The following FTO variants were observed in gnomAD, a reference collection of about 807,000 sequenced individuals.
FTO encodes the protein FTO alpha-ketoglutarate dependent dioxygenase.
In FTO, 47 loss-of-function variants were observed where a neutral mutation model predicts 63.9. The observed-to-expected ratio is 0.74, with a 90% CI of 0.58 to 0.94. The LOEUF (loss-of-function observed/expected upper bound fraction) is 0.94, where lower values mean the gene tolerates loss of function less well. Among genes scored for constraint, FTO ranks in the 40% least tolerant of loss-of-function variants. The probability of loss-of-function intolerance (pLI) is 0.00; values close to 1 mark genes in which losing one functional copy is unlikely to be tolerated. For missense variants in FTO, 562 were observed against 618.1 expected (o/e 0.91, Z 0.96); for synonymous variants, 207 against 224.4 (o/e 0.92, Z 0.69).
chr16:53,750,369 C>T (rs1241316996), intron 1 of FTO, among the ~76,000 whole-genome samples: 1 of 151,940 alleles, frequency 6.6e-6, no homozygotes, highest in African/African-American at 2.4e-5. Flanking sequence ...TCCTGAGTAA[C>T]TGGGATTACA....
intron 2 of FTO, among the ~76,000 whole-genome samples, chr16:53,824,609 A>G (rs2078954486): frequency 1.3e-5 from 2 of 151,776 alleles, no homozygotes; most frequent in Admixed American, 6.6e-5. Flanking sequence ...CAGATGCTGC[A>G]TGAAAAAAAA....
At chr16:54,021,558 C>T (rs1434071747) in intron 8 of FTO, among the ~76,000 whole-genome samples, 13 of 152,120 alleles carry the variant, frequency 8.5e-5, no homozygotes, top group Non-Finnish European at 2.9e-5. Context: ...GTCGCAATCT[C>T]GGCTCACTGC....
At chr16:53,852,413 A>G (rs762993368) in intron 4 of FTO, among the ~76,000 whole-genome samples, 3 of 152,212 alleles carry the variant, frequency 2.0e-5, no homozygotes, top group African/African-American at 4.8e-5. Flanking sequence ...GAACCAGTTT[A>G]TAGATACTTT....
rs1426581330 is a variant in FTO at position 53,704,244 on chromosome 16, CG to C, written c.45+19del. ...GCGAAGCTAAGGTATGTCGGGCTCC[CG>C]GGGCCTGGAGATCTTCGTGCGCTGT... is the stretch of plus-strand genomic sequence containing the variant. On this transcript the variant is annotated intron_variant, in intron 1 of 8. Transcript: ENST00000471389. 13 of 1,551,158 alleles carry C rather than the reference CG, an allele frequency of 8.4e-6. No individual in the cohort carries two copies. The African/African-American group carries it at 1.2e-4, about 15-fold the overall frequency.
intron 7 of FTO, among the ~76,000 whole-genome samples, chr16:53,932,639 C>T (rs1364044123): frequency 1.3e-5 from 2 of 152,146 alleles, no homozygotes; most frequent in Non-Finnish European, 2.9e-5. Context: ...ATCTGCCTGC[C>T]TCAGCCTCCC....
At chr16:53,986,865 A>C (rs1314047649) in intron 8 of FTO, among the ~76,000 whole-genome samples, 1 of 152,234 alleles carries the variant, frequency 6.6e-6, no homozygotes, top group Non-Finnish European at 1.5e-5. Flanking sequence ...GACCAACTCA[A>C]ATTCTGTCTG....
intron 1 of FTO, among the ~76,000 whole-genome samples, chr16:53,711,954 A>C (rs1474047429): frequency 6.6e-6 from 1 of 152,196 alleles, no homozygotes; most frequent in Non-Finnish European, 1.5e-5. Flanking sequence ...GGCCAAATGC[A>C]GTGGCTTATA....
intron 8 of FTO, among the ~76,000 whole-genome samples, chr16:53,983,576 A>G (rs965776691): frequency 6.6e-6 from 1 of 151,376 alleles, no homozygotes; most frequent in Admixed American, 6.6e-5. Context: ...GAAAATAATT[A>G]TTTGCTGAGC....
At chr16:53,810,952 C>G (rs2078503367) in intron 2 of FTO, among the ~76,000 whole-genome samples, 2 of 152,158 alleles carry the variant, frequency 1.3e-5, no homozygotes, top group Admixed American at 1.3e-4. Flanking sequence ...CATCTGGGAT[C>G]TTAGAAAAAG....
At chr16:54,040,852 A>G (rs775228962) in intron 8 of FTO, 5 of 152,266 alleles carry the variant, frequency 3.3e-5, no homozygotes, top group Non-Finnish European at 7.3e-5. Context: ...AAAGCTAAAC[A>G]CTGACTTTTA....
intron 1 of FTO, among the ~76,000 whole-genome samples, chr16:53,735,390 G>A (rs1021831712): frequency 2.6e-5 from 4 of 152,202 alleles, no homozygotes; most frequent in African/African-American, 7.2e-5. Flanking sequence ...AGTAGTTTCA[G>A]TAGATATGGG....
At chr16:53,947,682 A>G (rs575797110) in intron 8 of FTO, among the ~76,000 whole-genome samples, 2 of 152,330 alleles carry the variant, frequency 1.3e-5, no homozygotes, top group East Asian at 3.9e-4. Context: ...GGGATAATAA[A>G]CACACTCCTT....
At chr16:54,012,651 A>G (rs1298958896) in intron 8 of FTO, among the ~76,000 whole-genome samples, 1 of 152,202 alleles carries the variant, frequency 6.6e-6, no homozygotes, top group Non-Finnish European at 1.5e-5. Flanking sequence ...TATAGCTGGT[A>G]ACTTTAAGTC....
intron 4 of FTO, among the ~76,000 whole-genome samples, chr16:53,848,145 A>C (rs1304995622): frequency 6.6e-6 from 1 of 152,132 alleles, no homozygotes; most frequent in Non-Finnish European, 1.5e-5. Flanking sequence ...TAAAAAGTCA[A>C]AAGTAAAAGC....
intron 8 of FTO, among the ~76,000 whole-genome samples, chr16:53,958,538 G>A (rs1295218034): frequency 6.6e-6 from 1 of 152,208 alleles, no homozygotes; most frequent in African/African-American, 2.4e-5. Context: ...GAGAGAGCGA[G>A]ATTAAGCTTA....
chr16:53,817,243 A>G (rs2078720263), intron 2 of FTO, among the ~76,000 whole-genome samples: 2 of 152,216 alleles, frequency 1.3e-5, no homozygotes, highest in African/African-American at 4.8e-5. Flanking sequence ...AGCAAAGCAC[A>G]TGTTACCTCA....
chr16:53,860,414 T>C (rs2080136829), intron 4 of FTO, among the ~76,000 whole-genome samples: 1 of 152,246 alleles, frequency 6.6e-6, no homozygotes, highest in Non-Finnish European at 1.5e-5. Context: ...ACTGTATTAG[T>C]CTGTCACATT....
chr16:54,032,728 C>T (rs1266901859), intron 8 of FTO, among the ~76,000 whole-genome samples: 17 of 152,240 alleles, frequency 1.1e-4, no homozygotes, highest in African/African-American at 3.9e-4. Context: ...AGTTTAGATA[C>T]TTGTCCCCCT....
chr16:53,770,529 AG>A (rs2077310100), intron 1 of FTO, among the ~76,000 whole-genome samples: 1 of 152,204 alleles, frequency 6.6e-6, no homozygotes, highest in Non-Finnish European at 1.5e-5. Flanking sequence ...TGGCCTACAG[AG>A]GTCTTAACAT....
Sources: allele counts gnomAD v4.1 joint callset (sites outside exome capture counted in the v4.1 genomes callset), GRCh38; gene constraint gnomAD v4.1.1; transcripts MANE v1.5; gene names NCBI Gene and HGNC (gene_info 2026-07-23, HGNC 2026-07-21).